LUZP2: variants seen among roughly 807,000 people sequenced by gnomAD.
LUZP2 encodes leucine zipper protein 2.
LUZP2 carries 52 observed loss-of-function variants against 51.6 expected under a neutral mutation model. The observed-to-expected ratio is 1.01, with a 90% CI of 0.81 to 1.27. The LOEUF is 1.27. LUZP2 is among the 50% of genes most tolerant of loss of function. The probability of loss-of-function intolerance (pLI) is 0.00; values close to 1 mark genes in which losing one functional copy is unlikely to be tolerated. For missense variants in LUZP2, 436 were observed against 395.4 expected (o/e 1.10, Z -0.87); for synonymous variants, 154 against 137.3 (o/e 1.12, Z -0.85).
chr11:24,781,356 C>A (rs1590514374), intron 5 of LUZP2, among the ~76,000 whole-genome samples: 1 of 151,976 alleles, frequency 6.6e-6, no homozygotes, highest in East Asian at 1.9e-4. Context: ...AATAGATTGA[C>A]AATATGATAT....
At chr11:24,919,745 A>G (rs894941752) in intron 7 of LUZP2, among the ~76,000 whole-genome samples, 9 of 150,372 alleles carry the variant, frequency 6.0e-5, no homozygotes, top group Non-Finnish European at 1.2e-4. Context: ...TTTTTATGAA[A>G]CATTTATCTA....
intron 5 of LUZP2, among the ~76,000 whole-genome samples, chr11:24,795,841 A>G (rs1184128685): frequency 1.3e-5 from 2 of 152,062 alleles, no homozygotes; most frequent in Non-Finnish European, 2.9e-5. Flanking sequence ...CCTCACTGAG[A>G]TATACACTTG....
chr11:24,783,550 C>T lies in LUZP2; in HGVS notation c.396+20242C>T, dbSNP rs549932775. ...TCTAACATTTTCCAAATTAGAGGAA[C>T]AAGTTTTTATATCAAAATGATTCCT... On this transcript the variant is annotated intron_variant, in intron 5 of 11. Transcript: ENST00000336930. Among the ~76,000 whole-genome samples the T allele has an allele frequency of 2.6e-3, 396 of 151,952 alleles. 4 individuals carry two copies. Among genetic ancestry groups the T allele is most frequent in the African/African-American group, 9.3e-3 (387 of 41,498 alleles).
chr11:24,601,990 G>A (rs61875666), intron 1 of LUZP2, among the ~76,000 whole-genome samples: 2 of 138,368 alleles, frequency 1.4e-5, no homozygotes, highest in African/African-American at 5.5e-5. Context: ...ATATATATGT[G>A]TATATATGTA....
chr11:24,917,590 G>T (rs893085094), intron 7 of LUZP2, among the ~76,000 whole-genome samples: 1 of 152,178 alleles, frequency 6.6e-6, no homozygotes, highest in African/African-American at 2.4e-5. Context: ...ATTAAATAGG[G>T]AATCTTTTCC....
intron 5 of LUZP2, among the ~76,000 whole-genome samples, chr11:24,885,781 T>C (rs1053405447): frequency 2.0e-5 from 3 of 152,132 alleles, no homozygotes; most frequent in Admixed American, 1.3e-4. Flanking sequence ...TGAGTGTCTA[T>C]GGGAGATAAG....
At chr11:24,559,374 A>G (rs1851964914) in intron 1 of LUZP2, among the ~76,000 whole-genome samples, 1 of 152,228 alleles carries the variant, frequency 6.6e-6, no homozygotes, top group Admixed American at 6.5e-5. Flanking sequence ...TCATAAATTT[A>G]GTTATCAGAC....
intron 1 of LUZP2, among the ~76,000 whole-genome samples, chr11:24,566,227 AT>A (rs1436392232): frequency 6.6e-6 from 1 of 151,568 alleles, no homozygotes; most frequent in Non-Finnish European, 1.5e-5. Flanking sequence ...GTATTAAAAA[AT>A]TAAAGAATAG....
intron 9 of LUZP2, among the ~76,000 whole-genome samples, chr11:25,026,446 T>G (rs1857494912): frequency 6.6e-6 from 1 of 152,172 alleles, no homozygotes; most frequent in Admixed American, 6.6e-5. Context: ...ATACTATTCC[T>G]TCTAATATGC....
At chr11:24,649,732 TAA>T (rs1299246771) in intron 1 of LUZP2, among the ~76,000 whole-genome samples, 1 of 151,892 alleles carries the variant, frequency 6.6e-6, no homozygotes, top group African/African-American at 2.4e-5. Context: ...GCAATTCCAT[TAA>T]GAGACCATTT....
chr11:25,046,726 A>G (rs1858325419), intron 9 of LUZP2, among the ~76,000 whole-genome samples: 1 of 152,184 alleles, frequency 6.6e-6, no homozygotes, highest in Non-Finnish European at 1.5e-5. Context: ...AATATTATCT[A>G]TAAAACTCAA....
At chr11:24,726,830 G>C (rs112903025) in intron 1 of LUZP2, among the ~76,000 whole-genome samples, 1 of 152,028 alleles carries the variant, frequency 6.6e-6, no homozygotes, top group African/African-American at 2.4e-5. Flanking sequence ...AAAATTATTA[G>C]AAGATGAACA....
At chr11:24,534,060 T>G (rs537540220) in intron 1 of LUZP2, among the ~76,000 whole-genome samples, 1 of 151,296 alleles carries the variant, frequency 6.6e-6, no homozygotes, top group African/African-American at 2.4e-5. Context: ...TCTGTGGAAA[T>G]GATAAATAAA....
At chr11:25,068,979 A>T (rs1353028316) in intron 10 of LUZP2, among the ~76,000 whole-genome samples, 2 of 152,034 alleles carry the variant, frequency 1.3e-5, no homozygotes, top group East Asian at 3.9e-4. Context: ...AGCCCTAATT[A>T]GCCATGAGTG....
At chr11:25,031,823 T>C (rs2133992440) in intron 9 of LUZP2, among the ~76,000 whole-genome samples, 1 of 152,308 alleles carries the variant, frequency 6.6e-6, no homozygotes, top group East Asian at 1.9e-4. Flanking sequence ...AAATCCCTTA[T>C]TATTTCTTCT....
At chr11:24,566,326 ATTTTTTTTT>A (rs869144004) in intron 1 of LUZP2, among the ~76,000 whole-genome samples, 17 of 93,018 alleles carry the variant, frequency 1.8e-4, no homozygotes, top group African/African-American at 6.5e-4. Context: ...TTATTTATTT[ATTTTTTTTT>A]TTTTTTTTTT....
chr11:24,652,707 T>C (rs956297093), intron 1 of LUZP2, among the ~76,000 whole-genome samples: 1 of 152,154 alleles, frequency 6.6e-6, no homozygotes, highest in African/African-American at 2.4e-5. Flanking sequence ...TAATTTTTCA[T>C]GAAAAATAAT....
chr11:24,749,023 A>G (rs146194208), intron 4 of LUZP2, among the ~76,000 whole-genome samples: 84 of 152,346 alleles, frequency 5.5e-4, no homozygotes, highest in African/African-American at 2.0e-3. Context: ...GATAGTTGAT[A>G]TAAAGTAATA....
chr11:24,764,489 C>CAAAAAAAAAAAAAA lies in LUZP2; in HGVS notation c.396+1181_396+1182insAAAAAAAAAAAAAA, dbSNP rs1565124723. ...TGGACAACATGGTAAAATCTCATCT[C>CAAAAAAAAAAAAAA]TAAAAAAAAAAAAAAAAAAAAAAAA... is the stretch of plus-strand genomic sequence containing the variant. On this transcript the variant is annotated intron_variant, in intron 5 of 11. Transcript: ENST00000336930. Among the ~76,000 whole-genome samples the CAAAAAAAAAAAAAA allele has an allele frequency of 3.9e-3, 219 of 56,362 alleles. 15 individuals are homozygous for CAAAAAAAAAAAAAA. Among genetic ancestry groups the CAAAAAAAAAAAAAA allele is most frequent in the East Asian group, 0.011 (24 of 2,194 alleles). The allele number at this position is 56,362 out of a possible 152,430, so 37.0% of individuals were successfully genotyped here.
Sources: allele counts gnomAD v4.1 joint callset (sites outside exome capture counted in the v4.1 genomes callset), GRCh38; gene constraint gnomAD v4.1.1; transcripts MANE v1.5; gene names NCBI Gene and HGNC (gene_info 2026-07-23, HGNC 2026-07-21).